Variants in TEAD1 observed in about 807,000 individuals in gnomAD.
TEAD1 encodes transcriptional enhancer factor TEF-1.
TEAD1 carries 9 observed loss-of-function variants against 54.9 expected under a neutral mutation model. That is an observed-to-expected ratio of 0.16 (90% CI 0.10 to 0.29). The LOEUF is 0.29. TEAD1 is among the 10% of genes least tolerant of loss of function. The pLI is 1.00. For missense variants in TEAD1, 387 were observed against 535.9 expected (o/e 0.72, Z 2.74); for synonymous variants, 200 against 187.8 (o/e 1.07, Z -0.53).
chr11:12,812,146 A>G (rs1436234673), intron 3 of TEAD1, among the ~76,000 whole-genome samples: 1 of 152,130 alleles, frequency 6.6e-6, no homozygotes, highest in African/African-American at 2.4e-5. Flanking sequence ...TTTATGATAT[A>G]CATGGGCTTT....
At chr11:12,824,217 G>C (rs1484258495) in intron 3 of TEAD1, among the ~76,000 whole-genome samples, 1 of 152,140 alleles carries the variant, frequency 6.6e-6, no homozygotes, top group African/African-American at 2.4e-5. Context: ...TTATTGCATA[G>C]TATAATGGAA....
chr11:12,710,662 G>A (rs1037389003), intron 2 of TEAD1, among the ~76,000 whole-genome samples: 1 of 152,178 alleles, frequency 6.6e-6, no homozygotes, highest in African/African-American at 2.4e-5. Context: ...TGACACTGTT[G>A]TAGGCACTGG....
chr11:12,817,561 G>A (rs746563794), intron 3 of TEAD1, among the ~76,000 whole-genome samples: 6 of 152,084 alleles, frequency 3.9e-5, no homozygotes, highest in Non-Finnish European at 7.3e-5. Context: ...TTCATCATCC[G>A]TGTGCTGTCC....
At chr11:12,864,637 G>A in intron 4 of TEAD1, 1 of 1,273,392 alleles carries the variant, frequency 7.9e-7, no homozygotes. Context: ...GTTTTGTTTT[G>A]TTTTGTTTTG....
intron 11 of TEAD1, among the ~76,000 whole-genome samples, chr11:12,926,040 T>TTGGCA (rs1308387542): frequency 6.6e-6 from 1 of 152,224 alleles, no homozygotes; most frequent in African/African-American, 2.4e-5. Flanking sequence ...ATGTTTGTTG[T>TTGGCA]TGGCATTCCT....
At chr11:12,793,324 A>C (rs1590157356) in intron 3 of TEAD1, among the ~76,000 whole-genome samples, 2 of 152,196 alleles carry the variant, frequency 1.3e-5, no homozygotes, top group Non-Finnish European at 2.9e-5. Context: ...TAATATTTCC[A>C]AATACCAATG....
rs149805971 is a variant in TEAD1 at position 12,692,006 on chromosome 11, A to G, written c.-55+16445A>G. On this transcript the variant is annotated intron_variant, in intron 2 of 12. Coordinates refer to ENST00000527636, the MANE Select transcript of TEAD1 (RefSeq NM_021961.6). ...AAGCTTAAATAAGTTAAAGATTTGT[A>G]GTTTTAGATAGATTTATGCATTGGA... 6.5e-3 allele frequency among the ~76,000 whole-genome samples: 985 copies of G among 152,310 alleles called. 6 individuals are homozygous for G. The highest frequency in any genetic ancestry group is 0.023 in the African/African-American group (940 of 41,562).
rs114779423 is a variant in TEAD1 at position 12,928,862 on chromosome 11, A to G, written c.1015-1312A>G. Among the ~76,000 whole-genome samples, 1,206 of 152,276 alleles carry G rather than the reference A, an allele frequency of 7.9e-3. 9 individuals carry two copies. Among genetic ancestry groups the G allele is most frequent in the African/African-American group, 0.028 (1,159 of 41,546 alleles). ...ATGTATTACCTCACATAGCTTACCA[A>G]TTTTTGTGGTGAGAACACTTAAATA... On this transcript the variant is annotated intron_variant, in intron 11 of 12. Transcript: ENST00000527636.
chr11:12,744,975 T>C (rs1008764634), intron 2 of TEAD1, among the ~76,000 whole-genome samples: 19 of 152,210 alleles, frequency 1.2e-4, no homozygotes, highest in African/African-American at 4.3e-4. Flanking sequence ...TGCTCTGCTC[T>C]GCTGGCTAAC....
intron 3 of TEAD1, among the ~76,000 whole-genome samples, chr11:12,785,194 G>A (rs1945652860): frequency 6.6e-6 from 1 of 152,190 alleles, no homozygotes; most frequent in South Asian, 2.1e-4. Context: ...GGGTAAGTGG[G>A]GGTAGGAGAG....
At chr11:12,827,344 C>T (rs1374011512) in intron 3 of TEAD1, among the ~76,000 whole-genome samples, 1 of 152,088 alleles carries the variant, frequency 6.6e-6, no homozygotes, top group Non-Finnish European at 1.5e-5. Context: ...GGGATTGTGC[C>T]CAGCATTTTC....
intron 2 of TEAD1, among the ~76,000 whole-genome samples, chr11:12,732,865 A>G (rs906544428): frequency 1.3e-5 from 2 of 152,238 alleles, no homozygotes; most frequent in Non-Finnish European, 2.9e-5. Flanking sequence ...TCTGCGAGAT[A>G]TAGAAAAAAG....
At chr11:12,800,168 G>T (rs1333583973) in intron 3 of TEAD1, among the ~76,000 whole-genome samples, 1 of 152,270 alleles carries the variant, frequency 6.6e-6, no homozygotes, top group African/African-American at 2.4e-5. Flanking sequence ...TGTCGTGCCA[G>T]TATACAAAAA....
intron 5 of TEAD1, among the ~76,000 whole-genome samples, chr11:12,874,189 G>A (rs1244194619): frequency 1.3e-5 from 2 of 152,158 alleles, no homozygotes; most frequent in East Asian, 1.9e-4. Flanking sequence ...GTATATGCAA[G>A]CATGTAACCT....
intron 3 of TEAD1, among the ~76,000 whole-genome samples, chr11:12,774,308 C>G (rs767635946): frequency 2.6e-5 from 4 of 152,130 alleles, no homozygotes; most frequent in Non-Finnish European, 4.4e-5. Flanking sequence ...TGAAGCTCAT[C>G]CACAGTGACT....
In TEAD1 at chr11:12,940,644, A is replaced by C. The variant is rs1354345155; in HGVS notation, c.*3422A>C. On this transcript the variant is annotated 3_prime_UTR_variant, in exon 13 of 13. Transcript: ENST00000527636. ...AAGTTGGGAACAGCTGGTCACCATC[A>C]TCCCTTTAATCAACTCACACCTGTT... The C allele has an allele frequency of 6.6e-6, 1 of 152,210 alleles. No homozygotes were observed. The highest frequency in any genetic ancestry group is 1.5e-5 in the Non-Finnish European group (1 of 68,034). 9.4% of individuals were successfully genotyped at this position (152,210 alleles called of 1,614,324 possible). A position where few individuals can be genotyped will look rare whatever the true frequency, so the allele number is the denominator to read the frequency against.
chr11:12,817,724 A>G (rs1311361494), intron 3 of TEAD1, among the ~76,000 whole-genome samples: 3 of 152,230 alleles, frequency 2.0e-5, no homozygotes, highest in Non-Finnish European at 4.4e-5. Flanking sequence ...CAATGGGACC[A>G]AACTATAAAG....
At chr11:12,719,129 G>A (rs1393979770) in intron 2 of TEAD1, among the ~76,000 whole-genome samples, 1 of 151,862 alleles carries the variant, frequency 6.6e-6, no homozygotes. Flanking sequence ...CAGGACTCAA[G>A]TCCTGGCTTG....
At chr11:12,912,511 G>A (rs1013212212) in intron 10 of TEAD1, among the ~76,000 whole-genome samples, 4 of 152,162 alleles carry the variant, frequency 2.6e-5, no homozygotes, top group African/African-American at 9.7e-5. Flanking sequence ...CTGGGAGGTG[G>A]CGAGAGGTCC....
Sources: gnomAD v4.1 joint callset for allele counts (sites outside exome capture counted in the v4.1 genomes callset) on GRCh38, gnomAD v4.1.1 for gene constraint, MANE v1.5 for transcripts, NCBI Gene and HGNC (gene_info 2026-07-23, HGNC 2026-07-21) for gene names.